The following RASSF6 variants were observed in gnomAD, a reference collection of about 807,000 sequenced individuals.
RASSF6 encodes the protein Ras association domain family member 6.
Under a neutral mutation model 44.0 loss-of-function variants are expected in RASSF6, and 52 were observed. The ratio of observed to expected loss-of-function variants is 1.18; its 90% CI spans 0.95 to 1.49. The LOEUF (loss-of-function observed/expected upper bound fraction) is 1.49. RASSF6 is among the 40% of genes most tolerant of loss of function. RASSF6 has a pLI of 0.00. For missense variants in RASSF6, 464 were observed against 393.3 expected, an observed-to-expected ratio of 1.18 and a Z score of -1.52; for synonymous variants, 162 against 124.6, an observed-to-expected ratio of 1.30 and a Z score of -2.00.
chr4:73,602,375 T>C (rs1725330496), intron 2 of RASSF6, among the ~76,000 whole-genome samples: 1 of 152,216 alleles, frequency 6.6e-6, no homozygotes, highest in Non-Finnish European at 1.5e-5. Context: ...ATGAGGCTGA[T>C]GTTCCACGGA....
At chr4:73,592,736 C>T (rs552458593) in intron 4 of RASSF6, among the ~76,000 whole-genome samples, 8 of 152,216 alleles carry the variant, frequency 5.3e-5, no homozygotes, top group African/African-American at 9.6e-5. Flanking sequence ...GCACAATGAG[C>T]CCTTTGTTCC....
At chr4:73,589,366 A>G (rs1020595157) in intron 4 of RASSF6, among the ~76,000 whole-genome samples, 5 of 152,130 alleles carry the variant, frequency 3.3e-5, no homozygotes, top group Non-Finnish European at 7.4e-5. Context: ...AGTGGCAGAC[A>G]TAATTATCGT....
At chr4:73,604,285 T>A (rs1725476852) in intron 2 of RASSF6, 1 of 152,054 alleles carries the variant, frequency 6.6e-6, no homozygotes, top group East Asian at 1.9e-4. Context: ...CCATCCTGGC[T>A]AACATGGTGA....
At chr4:73,578,716 C>T (rs1723410415) in intron 8 of RASSF6, among the ~76,000 whole-genome samples, 1 of 151,034 alleles carries the variant, frequency 6.6e-6, no homozygotes, top group South Asian at 2.1e-4. Flanking sequence ...TCAAGCGATT[C>T]TCCTGTCTCA....
chr4:73,579,775 T>C (rs529418704), intron 8 of RASSF6, among the ~76,000 whole-genome samples: 5 of 152,090 alleles, frequency 3.3e-5, no homozygotes, highest in Non-Finnish European at 7.4e-5. Context: ...ATTTATTTTA[T>C]ATCTTTTGGT....
At chr4:73,598,104 C>T (rs907045432) in intron 3 of RASSF6, among the ~76,000 whole-genome samples, 1 of 152,084 alleles carries the variant, frequency 6.6e-6, no homozygotes, top group Non-Finnish European at 1.5e-5. Context: ...GCACTTGTAC[C>T]CCTGAACTTA....
chr4:73,586,967 T>C (rs1724144507), intron 5 of RASSF6, among the ~76,000 whole-genome samples: 1 of 151,368 alleles, frequency 6.6e-6, no homozygotes, highest in Non-Finnish European at 1.5e-5. Flanking sequence ...ATGAAGTTAA[T>C]GCTAGTGGGA....
rs985103285 is a variant in RASSF6, at chr4:73,598,735, A to T, written c.66-17T>A. On this transcript the variant is annotated splice_polypyrimidine_tract_variant and intron_variant, in intron 2 of 10. Coordinates refer to ENST00000307439, the MANE Select transcript of RASSF6 (RefSeq NM_177532.5). ...AGTTGTTCCCTAAAAATAAAAAAAA[A>T]TTAATTACAATCAGTCTTAGAGTTT... 4 of 773,964 alleles carry T rather than the reference A, an allele frequency of 5.2e-6. No homozygotes were observed. The highest frequency in any genetic ancestry group is 2.5e-4 in the Middle Eastern group (1 of 3,956). The allele number at this position is 773,964 out of a possible 1,614,324, so 47.9% of individuals were successfully genotyped here. A position where few individuals can be genotyped will look rare whatever the true frequency, so the allele number is the denominator to read the frequency against.
intron 1 of RASSF6, among the ~76,000 whole-genome samples, chr4:73,619,887 C>G (rs1054924260): frequency 6.6e-6 from 1 of 151,782 alleles, no homozygotes; most frequent in Non-Finnish European, 1.5e-5. Context: ...TGCGATGATT[C>G]AACACAATAT....
intron 2 of RASSF6, 30 bp downstream of exon 2, chr4:73,611,701 G>T: frequency 2.1e-6 from 3 of 1,409,490 alleles, no homozygotes; most frequent in South Asian, 2.4e-5. Context: ...TGGTGAGTAG[G>T]ACAATGTATA....
chr4:73,589,381 G>T (rs550427595), intron 4 of RASSF6, among the ~76,000 whole-genome samples: 141 of 152,156 alleles, frequency 9.3e-4, no homozygotes, highest in Non-Finnish European at 1.7e-3. Flanking sequence ...TATCGTAGAA[G>T]GGGGGTTAGG....
Position 73,571,726 on chromosome 4 carries a change from C to T in RASSF6, c.*4509G>A, listed in dbSNP as rs1392766871. 1 of 151,784 alleles carries T rather than the reference C, an allele frequency of 6.6e-6. No individual in the cohort carries two copies. The highest frequency in any genetic ancestry group is 1.5e-5 in the Non-Finnish European group (1 of 67,948). 9.4% of individuals were successfully genotyped at this position (151,784 alleles called of 1,614,324 possible). ...TATTGAGCACATCCTACGCACAAGA[C>T]ACAATATTAGGTACAGAAAAGCTAT... On this transcript the variant is annotated 3_prime_UTR_variant, in exon 11 of 11. Coordinates refer to ENST00000307439, the MANE Select transcript of RASSF6 (RefSeq NM_177532.5).
chr4:73,580,031 C>G (rs1389570185), intron 8 of RASSF6, among the ~76,000 whole-genome samples: 1 of 117,550 alleles, frequency 8.5e-6, no homozygotes, highest in Non-Finnish European at 1.7e-5. Flanking sequence ...CCTCCCCCGA[C>G]CCCACAACAG....
intron 8 of RASSF6, among the ~76,000 whole-genome samples, chr4:73,579,815 G>A (rs1292248488): frequency 6.6e-6 from 1 of 151,622 alleles, no homozygotes; most frequent in East Asian, 1.9e-4. Flanking sequence ...ACTAGAATAT[G>A]AATATATATG....
Position 73,575,434 on chromosome 4 carries a change from T to G in RASSF6, c.*801A>C, listed in dbSNP as rs1045532958. On this transcript the variant is annotated 3_prime_UTR_variant, in exon 11 of 11. Transcript: ENST00000307439. ...CAACAGCCTTGCTTTATCCATTGTATTCATTCAGCAACAAATAGGTATTTG... is the reference window on the plus strand; with the variant it reads ...CAACAGCCTTGCTTTATCCATTGTAGTCATTCAGCAACAAATAGGTATTTG... The G allele has an allele frequency of 2.0e-5, 3 of 152,202 alleles. No homozygotes were observed. Among genetic ancestry groups the G allele is most frequent in the African/African-American group, 7.2e-5 (3 of 41,452 alleles). The allele number at this position is 152,202 out of a possible 1,614,324, so 9.4% of individuals were successfully genotyped here. A position where few individuals can be genotyped will look rare whatever the true frequency, so the allele number is the denominator to read the frequency against.
rs1723053487 is a variant in RASSF6 at position 73,573,900 on chromosome 4, C to A, written c.*2335G>T. The stretch of plus-strand genomic sequence containing the variant: ...CTTTGTCAGTAGAGGGCGCTGGAGA[C>A]ACACTGCAAGAGGAAGGGGTCTTTC... On this transcript the variant is annotated 3_prime_UTR_variant, in exon 11 of 11. Coordinates refer to ENST00000307439, the MANE Select transcript of RASSF6 (RefSeq NM_177532.5). 6.6e-6 allele frequency: 1 copy of A among 152,238 alleles called. No individual in the cohort carries two copies. Among genetic ancestry groups the A allele is most frequent in the Non-Finnish European group, 1.5e-5 (1 of 68,090 alleles). 9.4% of individuals were successfully genotyped at this position (152,238 alleles called of 1,614,324 possible). A position where few individuals can be genotyped will look rare whatever the true frequency, so the allele number is the denominator to read the frequency against.
At chr4:73,599,415 C>T (rs957245950) in intron 2 of RASSF6, among the ~76,000 whole-genome samples, 14 of 152,176 alleles carry the variant, frequency 9.2e-5, no homozygotes, top group South Asian at 2.1e-4. Context: ...TCTACCTTTC[C>T]GCCCTTCTAG....
intron 2 of RASSF6, among the ~76,000 whole-genome samples, chr4:73,604,884 C>CTTTTTTTTTTTTTTTTTTTTTTTT (rs35609056): frequency 5.1e-5 from 7 of 138,332 alleles, no homozygotes; most frequent in Admixed American, 7.3e-5. Context: ...CATTTTCTTT[C>CTTTTTTTTTTTTTTTTTTTTTTTT]TTTTTTTTTT....
chr4:73,616,221 A>ATATCTATATC (rs1553906491), intron 1 of RASSF6, among the ~76,000 whole-genome samples: 17 of 149,022 alleles, frequency 1.1e-4, no homozygotes, highest in African/African-American at 4.2e-4. Context: ...ACATATATCT[A>ATATCTATATC]TATCTATCTA....
Sources: gnomAD v4.1 joint callset for allele counts (sites outside exome capture counted in the v4.1 genomes callset) on GRCh38, gnomAD v4.1.1 for gene constraint, MANE v1.5 for transcripts, NCBI Gene and HGNC (gene_info 2026-07-23, HGNC 2026-07-21) for gene names.